SYNE1: variants seen among roughly 807,000 people sequenced by gnomAD.
SYNE1 encodes the protein nesprin-1.
SYNE1 carries 616 observed loss-of-function variants against 1,111.0 expected under a neutral mutation model. That is an observed-to-expected ratio of 0.55 (90% CI 0.52 to 0.59). The LOEUF (loss-of-function observed/expected upper bound fraction) is 0.59. Ranked by LOEUF, SYNE1 falls within the 20% of genes least tolerant of loss-of-function variation. SYNE1 has a pLI of 0.00. For synonymous variants in SYNE1, 3,855 were observed against 3,825.8 expected, an observed-to-expected ratio of 1.01 and a Z score of -0.28; for missense variants, 10,006 against 10,417.0, an observed-to-expected ratio of 0.96 and a Z score of 1.72.
intron 3 of SYNE1, among the ~76,000 whole-genome samples, chr6:152,566,544 A>T (rs1190383683): frequency 6.6e-6 from 1 of 152,188 alleles, no homozygotes; most frequent in Non-Finnish European, 1.5e-5. Flanking sequence ...CTTTCAAATT[A>T]AATTAAAAGC....
At chr6:152,422,414 A>G (rs1247777008) in intron 39 of SYNE1, among the ~76,000 whole-genome samples, 1 of 152,246 alleles carries the variant, frequency 6.6e-6, no homozygotes, top group Non-Finnish European at 1.5e-5. Context: ...TAAAGAAGAC[A>G]TGCAACAATA....
intron 38 of SYNE1, among the ~76,000 whole-genome samples, chr6:152,426,721 C>G (rs1434034269): frequency 3.9e-5 from 6 of 152,326 alleles, no homozygotes; most frequent in Middle Eastern, 3.4e-3. Flanking sequence ...GGGCGGGAAA[C>G]AGTCAGTACA....
At chr6:152,243,836 C>T (rs1451817053) in intron 106 of SYNE1, among the ~76,000 whole-genome samples, 2 of 152,252 alleles carry the variant, frequency 1.3e-5, no homozygotes, top group East Asian at 1.9e-4. Context: ...TTTTCTTGAT[C>T]GAACATAACT....
At chr6:152,274,737 CAGG>C in intron 98 of SYNE1, among the ~76,000 whole-genome samples, 1 of 152,142 alleles carries the variant, frequency 6.6e-6, no homozygotes, top group Admixed American at 6.5e-5. Flanking sequence ...GCTGGGATTA[CAGG>C]TTCCCACCAC....
chr6:152,138,735 C>T (rs911618486), intron 140 of SYNE1, among the ~76,000 whole-genome samples: 3 of 151,872 alleles, frequency 2.0e-5, no homozygotes, highest in African/African-American at 4.8e-5. Flanking sequence ...ACTGTCCAAA[C>T]AGGAAAAAAC....
intron 102 of SYNE1, among the ~76,000 whole-genome samples, chr6:152,256,272 A>T (rs1022174187): frequency 1.6e-4 from 24 of 150,490 alleles, no homozygotes; most frequent in African/African-American, 5.9e-4. Flanking sequence ...TAAAAAAAAT[A>T]AAAAAAAATC....
At chr6:152,135,002 TA>T (rs199900975) in intron 142 of SYNE1, 101 bp downstream of exon 142, 696 of 1,514,320 alleles carry the variant, frequency 4.6e-4, no homozygotes, top group Middle Eastern at 5.2e-4. Flanking sequence ...TGCAAAAAGT[TA>T]AAAAAAAAGA....
At position 152,325,307 on chromosome 6, in the gene SYNE1, G is replaced by C. The variant is rs778236692; in HGVS notation, c.15439-5C>G. ...GTTAACCACTGACACTAAAGCCTAG[G>C]GTTGGGGGTGGAGGACGGAAGAGAG... On this transcript the variant is annotated splice_polypyrimidine_tract_variant and splice_region_variant and intron_variant, in intron 80 of 145. Transcript: ENST00000367255. The C allele has an allele frequency of 6.2e-7, 1 of 1,613,920 alleles. No homozygotes were observed. Among genetic ancestry groups the C allele is most frequent in the African/African-American group, 1.3e-5 (1 of 75,038 alleles).
At chr6:152,340,463 C>T (rs1456647283) in intron 74 of SYNE1, among the ~76,000 whole-genome samples, 1 of 152,142 alleles carries the variant, frequency 6.6e-6, no homozygotes, top group South Asian at 2.1e-4. Context: ...CTTGCTAGAA[C>T]GTCAGCAGCA....
rs185617282 is a variant in SYNE1, at chr6:152,350,738, T to C, written c.11613A>G (p.Pro3871=). ...SLQQTVLSHE[P]SVKSVREKGE... is the part of the protein sequence containing the mutation. ...CCTTCTCTCTCACTGACTTTACTGA[T>C]GGTTCATGGGACAGCACCGTTTGTT... is the stretch of plus-strand genomic sequence containing the variant. Residue 3871 remains proline, a synonymous_variant, in exon 71 of 146, where the codon CCA becomes CCG. Transcript: ENST00000367255. The C allele has an allele frequency of 6.2e-7, 1 of 1,613,854 alleles. No homozygotes were observed. Among genetic ancestry groups the C allele is most frequent in the East Asian group, 2.2e-5 (1 of 44,848 alleles).
At chr6:152,318,044 C>A in intron 86 of SYNE1, 37 bp downstream of exon 86, 2 of 1,613,312 alleles carry the variant, frequency 1.2e-6, no homozygotes, top group Non-Finnish European at 1.7e-6. Flanking sequence ...GAAGTTTCTG[C>A]CTTACACGAT....
intron 104 of SYNE1, among the ~76,000 whole-genome samples, chr6:152,253,193 G>A (rs2089817977): frequency 6.6e-6 from 1 of 152,124 alleles, no homozygotes; most frequent in African/African-American, 2.4e-5. Context: ...CATCTTCCCT[G>A]AGATCACCCT....
Position 152,326,445 on chromosome 6 carries a change from G to A in SYNE1, c.15144C>T (p.Asn5048=), listed in dbSNP as rs1391706329. 10 of 1,614,130 alleles carry A rather than the reference G, an allele frequency of 6.2e-6. No homozygotes were observed. The highest frequency in any genetic ancestry group is 8.5e-6 in the Non-Finnish European group (10 of 1,180,042). ...CTACCAGGCTGTGGAGCTCCTCCAG[G>A]TTACTATGGAACTGATCCTCTGTAC... ...FFSTEDQFHS[N]LEELHSLVAT... is the part of the protein sequence containing the mutation. The change falls in exon 79 of 146, where the codon AAC becomes AAT. Residue 5048 remains asparagine (N), a synonymous_variant. Transcript: ENST00000367255.
chr6:152,537,249 G>C (rs1310701189), intron 4 of SYNE1, among the ~76,000 whole-genome samples: 2 of 152,014 alleles, frequency 1.3e-5, no homozygotes, highest in Admixed American at 1.3e-4. Flanking sequence ...GATTTGCAAT[G>C]TTTTACATAA....
rs550723097 is a variant in SYNE1, at chr6:152,407,018, A to G, written c.6719T>C (p.Phe2240Ser). The G allele has an allele frequency of 2.5e-6, 4 of 1,613,816 alleles. No individual in the cohort carries two copies. In the African/African-American group the frequency reaches 5.3e-5, roughly 22 times the overall value. The stretch of plus-strand genomic sequence containing the variant: ...ATGTCAACACAGTCAATTTACCTCA[A>G]ATTCTTTAAGCAGTTCTTCAGCTCT... ...HLRAEELLKE[F>S]ESEVKNKALR... Residue 2240 changes from phenylalanine (F) to serine (S), a missense_variant, in exon 45 of 146, where the codon TTT (phenylalanine) becomes TCT (serine). This residue lies in a region of SYNE1 where 4,955 missense variants were observed against 5,017.2 expected (regional missense o/e 0.99). Coordinates refer to ENST00000367255, the MANE Select transcript of SYNE1 (RefSeq NM_182961.4).
At chr6:152,348,533 A>C (rs2096681343) in intron 72 of SYNE1, among the ~76,000 whole-genome samples, 1 of 151,988 alleles carries the variant, frequency 6.6e-6, no homozygotes, top group Non-Finnish European at 1.5e-5. Flanking sequence ...AAAAATACAA[A>C]AGTTAGTCGG....
Position 152,367,139 on chromosome 6 carries a change from C to T in SYNE1, c.9972+79G>A, listed in dbSNP as rs1032246442. ...TCATGGAGAGAATGTGACATCATCACCCCAGGTGGATGGAGACGGGAAATT... is the reference window on the plus strand; with the variant it reads ...TCATGGAGAGAATGTGACATCATCATCCCAGGTGGATGGAGACGGGAAATT... On this transcript the variant is annotated intron_variant, in intron 62 of 145. Coordinates refer to ENST00000367255, the MANE Select transcript of SYNE1 (RefSeq NM_182961.4). The T allele has an allele frequency of 3.9e-6, 6 of 1,542,700 alleles. No homozygotes were observed. The African/African-American group carries it at 5.5e-5, about 14-fold the overall frequency.
At chr6:152,440,692 C>G (rs1430295980) in intron 32 of SYNE1, among the ~76,000 whole-genome samples, 2 of 151,518 alleles carry the variant, frequency 1.3e-5, no homozygotes, top group African/African-American at 4.9e-5. Context: ...CTCAGCCTCC[C>G]GAGTAGCTGG....
At chr6:152,366,001 A>G (rs1405762154) in intron 62 of SYNE1, among the ~76,000 whole-genome samples, 1 of 152,068 alleles carries the variant, frequency 6.6e-6, no homozygotes, top group African/African-American at 2.4e-5. Flanking sequence ...GTCTCCACCC[A>G]GTTATCTTTG....
Sources: allele counts gnomAD v4.1 joint callset (sites outside exome capture counted in the v4.1 genomes callset), GRCh38; gene constraint gnomAD v4.1.1; regional missense constraint gnomAD v4.1.1; transcripts MANE v1.5; gene names NCBI Gene and HGNC (gene_info 2026-07-23, HGNC 2026-07-21).